The following MOV10 variants were observed in gnomAD, a reference collection of about 807,000 sequenced individuals.
MOV10 encodes the protein RNA helicase MOV-10.
MOV10 carries 39 observed loss-of-function variants against 108.4 expected under a neutral mutation model. That is an observed-to-expected ratio of 0.36 (90% CI 0.28 to 0.47). The LOEUF (loss-of-function observed/expected upper bound fraction) is 0.47. Ranked by LOEUF, MOV10 falls within the 20% of genes least tolerant of loss-of-function variation. The probability of loss-of-function intolerance (pLI) is 1.00; values close to 1 mark genes in which losing one functional copy is unlikely to be tolerated. For synonymous variants in MOV10, 490 were observed against 523.1 expected, an observed-to-expected ratio of 0.94 and a Z score of 0.86; for missense variants, 952 against 1,297.6, an observed-to-expected ratio of 0.73 and a Z score of 4.09.
At chr1:112,697,173 A>C (rs148239755) in intron 14 of MOV10, among the ~76,000 whole-genome samples, 1,709 of 152,178 alleles carry the variant, frequency 0.011, 14 homozygotes, top group Non-Finnish European at 0.018. Flanking sequence ...AATAGGGAGG[A>C]GGTCGGGCAC....
Position 112,694,645 on chromosome 1 carries a change from G to A in MOV10, c.1472+16G>A, listed in dbSNP as rs1246718513. 1 of 1,592,776 alleles carries A rather than the reference G, an allele frequency of 6.3e-7. No individual in the cohort carries two copies. The highest frequency in any genetic ancestry group is 8.6e-7 in the Non-Finnish European group (1 of 1,167,828). On this transcript the variant is annotated intron_variant, in intron 9 of 20. Transcript: ENST00000369645. This position sits in a 1 kb window ranked among gnomAD's most constrained non-coding sequence, Gnocchi z 4.1. ...TGAAACTCAAGTGAGACTGTGGGCAGGGAGCTTCTGGAGCCACTTGGAGTG... is the reference window on the plus strand; with the variant it reads ...TGAAACTCAAGTGAGACTGTGGGCAAGGAGCTTCTGGAGCCACTTGGAGTG...
intron 17 of MOV10, 36 bp downstream of exon 17, chr1:112,698,825 G>T (rs760765747): frequency 1.3e-6 from 2 of 1,575,400 alleles, no homozygotes; most frequent in Admixed American, 3.3e-5. Context: ...CCTGCCTTCC[G>T]TGTGCCCCCA....
intron 7 of MOV10, 162 bp from the exon 8 acceptor site, chr1:112,693,856 G>C: frequency 3.4e-6 from 2 of 590,176 alleles, no homozygotes; most frequent in Non-Finnish European, 6.0e-6. Flanking sequence ...GACTCCTGCT[G>C]GTATGAAAGG....
intron 2 of MOV10, among the ~76,000 whole-genome samples, chr1:112,679,193 A>G (rs1243367864): frequency 6.6e-6 from 1 of 152,070 alleles, no homozygotes; most frequent in Admixed American, 6.6e-5. Context: ...TCACCCAACA[A>G]ACAGCAGGGG....
chr1:112,674,950 C>T lies in MOV10; in HGVS notation c.38C>T (p.Ala13Val). ...TTCAGCTGCCGGCAGCTCCGGGAGG[C>T]GGGCCAGTGTTTCGAGAGTTTCCTG... ...SKFSCRQLRE[A>V]GQCFESFLVV... Residue 13 changes from alanine (A) to valine (V), a missense_variant, in exon 2 of 21, where the codon GCG becomes GTG. By Grantham distance (64) the Ala-to-Val change is moderately conservative. This residue lies in a region of MOV10 where 374 missense variants were observed against 468.6 expected (regional missense o/e 0.80). Coordinates refer to ENST00000369645, the MANE Select transcript of MOV10 (RefSeq NM_001321324.2). The T allele has an allele frequency of 6.3e-7, 1 of 1,582,058 alleles. No individual in the cohort carries two copies. Among genetic ancestry groups the T allele is most frequent in the Non-Finnish European group, 8.6e-7 (1 of 1,165,240 alleles).
At position 112,698,405 on chromosome 1, in the gene MOV10, C is replaced by A; in HGVS notation, c.2435C>A (p.Ala812Asp). 6.2e-7 allele frequency: 1 copy of A among 1,614,220 alleles called. No individual in the cohort carries two copies. Among genetic ancestry groups the A allele is most frequent in the South Asian group, 1.1e-5 (1 of 91,084 alleles). Reference sequence around the variant, plus strand: ...ACTTCCTACCTGAAGCTGCTCCTGGCCCCCTCCTCCAAGAAGGGCAAAGCT... The same window carrying A: ...ACTTCCTACCTGAAGCTGCTCCTGGACCCCTCCTCCAAGAAGGGCAAAGCT... ...TVTSYLKLLL[A>D]PSSKKGKARL... is the part of the protein sequence containing the mutation. The change falls in exon 16 of 21, where the codon GCC (alanine) becomes GAC (aspartate). Residue 812 changes from alanine (A) to aspartate (D), a missense_variant. Transcript: ENST00000369645.
Position 112,694,239 on chromosome 1 carries a change from G to A in MOV10, c.1295+67G>A. 3.8e-6 allele frequency: 6 copies of A among 1,581,718 alleles called. No individual in the cohort carries two copies. Among genetic ancestry groups the A allele is most frequent in the Middle Eastern group, 1.7e-4 (1 of 5,972 alleles). ...GACTTCTGACCCCAGGGGAGGAGGAGTGTTTCTCCCTGAGATAAATGAGAC... is the reference window on the plus strand; with the variant it reads ...GACTTCTGACCCCAGGGGAGGAGGAATGTTTCTCCCTGAGATAAATGAGAC... On this transcript the variant is annotated intron_variant, in intron 8 of 20. Transcript: ENST00000369645. The surrounding 1 kb of genome is among the most constrained non-coding windows in gnomAD (Gnocchi z 4.1).
At chr1:112,692,196 G>A (rs1275468608) in intron 6 of MOV10, among the ~76,000 whole-genome samples, 1 of 152,144 alleles carries the variant, frequency 6.6e-6, no homozygotes, top group African/African-American at 2.4e-5. Context: ...GCCAAGTGTG[G>A]TGGCACATGT....
Position 112,700,739 on chromosome 1 carries a change from A to C in MOV10, c.*232A>C. 1 of 1,487,750 alleles carries C rather than the reference A, an allele frequency of 6.7e-7. No homozygotes were observed. The highest frequency in any genetic ancestry group is 8.9e-7 in the Non-Finnish European group (1 of 1,122,624). 92.2% of individuals were successfully genotyped at this position (1,487,750 alleles called of 1,614,324 possible). A position where few individuals can be genotyped will look rare whatever the true frequency, so the allele number is the denominator to read the frequency against. On this transcript the variant is annotated 3_prime_UTR_variant, in exon 21 of 21. Coordinates refer to ENST00000369645, the MANE Select transcript of MOV10 (RefSeq NM_001321324.2). Reference sequence around the variant, plus strand: ...AAAACAAAATCTTGTTCTATGCAAAAGCCTTGATAATGTCTCCTCTGCCTG... The same window carrying C: ...AAAACAAAATCTTGTTCTATGCAAACGCCTTGATAATGTCTCCTCTGCCTG...
intron 2 of MOV10, among the ~76,000 whole-genome samples, chr1:112,679,342 C>T (rs1385216593): frequency 6.6e-6 from 1 of 152,086 alleles, no homozygotes; most frequent in African/African-American, 2.4e-5. Context: ...GGATGTGTAC[C>T]TCAATTTCTT....
chr1:112,694,755 C>T lies in MOV10; in HGVS notation c.1479C>T (p.Tyr493=), dbSNP rs115933827. Residue 493 remains tyrosine (Y), a synonymous_variant, in exon 10 of 21, where the codon TAC becomes TAT. Transcript: ENST00000369645. This position sits in a 1 kb window ranked among gnomAD's most constrained non-coding sequence, Gnocchi z 4.1. ...TTCCTGGTCCCTCTGCCAGGCTGTACGACCGGAGTCTGGAGTCAAACCCAG... is the reference window on the plus strand; with the variant it reads ...TTCCTGGTCCCTCTGCCAGGCTGTATGACCGGAGTCTGGAGTCAAACCCAG... ...LLPSDVKLKL[Y]DRSLESNPEQ... is the part of the protein sequence containing the mutation. 19 of 1,613,936 alleles carry T rather than the reference C, an allele frequency of 1.2e-5. No homozygotes were observed. The African/African-American group carries it at 1.3e-4, about 11-fold the overall frequency.
chr1:112,699,590 C>T, intron 17 of MOV10, 95 bp from the exon 18 acceptor site: 1 of 1,558,088 alleles, frequency 6.4e-7, no homozygotes, highest in Non-Finnish European at 8.7e-7. Flanking sequence ...TGCCCAGTGA[C>T]CTCTCTGTAC....
chr1:112,689,806 C>T (rs144264245), intron 4 of MOV10, 34 bp from the exon 5 acceptor site: 4 of 1,605,914 alleles, frequency 2.5e-6, no homozygotes, highest in South Asian at 1.1e-5. Flanking sequence ...GTGGGAGGGT[C>T]CCTACCCCCA....
chr1:112,681,302 G>T (rs1029073093), intron 2 of MOV10, among the ~76,000 whole-genome samples: 5 of 151,982 alleles, frequency 3.3e-5, no homozygotes, highest in Non-Finnish European at 7.4e-5. Context: ...GACCAGTCTG[G>T]CCAACATGGC....
chr1:112,695,698 A>G (rs1407008599), intron 11 of MOV10, 124 bp downstream of exon 11: 10 of 1,014,780 alleles, frequency 9.9e-6, no homozygotes, highest in African/African-American at 3.3e-5. Flanking sequence ...TGGGTTGGAC[A>G]GGACCCCTCC....
At chr1:112,683,232 T>C (rs1279889371) in intron 2 of MOV10, among the ~76,000 whole-genome samples, 1 of 152,190 alleles carries the variant, frequency 6.6e-6, no homozygotes, top group African/African-American at 2.4e-5. Flanking sequence ...GAACATCTTA[T>C]ACAAGTCATT....
chr1:112,697,767 T>C, intron 14 of MOV10: 1 of 519,396 alleles, frequency 1.9e-6, no homozygotes, highest in South Asian at 2.6e-5. Context: ...TTAAATGTCA[T>C]GGGTCTGTGG....
In MOV10 at chr1:112,693,936, T is replaced by G; in HGVS notation, c.1141-82T>G. 21 of 1,362,690 alleles carry G rather than the reference T, an allele frequency of 1.5e-5. No individual in the cohort carries two copies. The South Asian group carries it at 2.5e-4, about 17-fold the overall frequency. 84.4% of individuals were successfully genotyped at this position (1,362,690 alleles called of 1,614,324 possible). A position where few individuals can be genotyped will look rare whatever the true frequency, so the allele number is the denominator to read the frequency against. On this transcript the variant is annotated intron_variant, in intron 7 of 20. Transcript: ENST00000369645. ...GAAGGCCAGTCTCAGTCCTTGTCCC[T>G]TAAAGGTCTGGGGAACCTGGGGGCT...
Position 112,700,277 on chromosome 1 carries a change from C to T in MOV10, c.2857C>T (p.Leu953=). The T allele has an allele frequency of 6.2e-7, 1 of 1,614,212 alleles. No homozygotes were observed. Among genetic ancestry groups the T allele is most frequent in the Non-Finnish European group, 8.5e-7 (1 of 1,180,034 alleles). Residue 953 remains leucine, a synonymous_variant, in exon 20 of 21, where the codon CTG becomes TTG. Coordinates refer to ENST00000369645, the MANE Select transcript of MOV10 (RefSeq NM_001321324.2). ...GYTGCPFPAK[L]DLQQGQNLLQ... The stretch of plus-strand genomic sequence containing the variant: ...TACCGGGTGTCCCTTCCCTGCCAAA[C>T]TGGACCTGCAACAGGGACAGAATTT...
Sources: gnomAD v4.1 joint callset for allele counts (sites outside exome capture counted in the v4.1 genomes callset) on GRCh38, gnomAD v4.1.1 for gene constraint, gnomAD v4.1.1 regional missense constraint, Gnocchi (gnomAD v3.1) non-coding constraint, MANE v1.5 for transcripts, NCBI Gene and HGNC (gene_info 2026-07-23, HGNC 2026-07-21) for gene names.